USP6NL: variants seen among roughly 807,000 people sequenced by gnomAD.
USP6NL encodes the protein USP6 N-terminal-like protein.
A neutral mutation model predicts 61.9 loss-of-function variants in USP6NL; 26 were observed. The observed-to-expected ratio is 0.42, with a 90% CI of 0.31 to 0.58. The LOEUF (loss-of-function observed/expected upper bound fraction) is 0.58, where lower values mean the gene tolerates loss of function less well. Among genes scored for constraint, USP6NL ranks in the 20% least tolerant of loss-of-function variants. USP6NL has a pLI of 0.16. For synonymous variants in USP6NL, 432 were observed against 390.1 expected (o/e 1.11, Z -1.27); for missense variants, 1,114 against 1,034.3 (o/e 1.08, Z -1.06).
At chr10:11,483,962 A>G (rs561181592) in intron 13 of USP6NL, among the ~76,000 whole-genome samples, 1 of 152,322 alleles carries the variant, frequency 6.6e-6, no homozygotes, top group African/African-American at 2.4e-5. Flanking sequence ...CCTGCAGTCC[A>G]TGCTTTTCAA....
At chr10:11,593,582 G>C (rs1346812008) in intron 2 of USP6NL, among the ~76,000 whole-genome samples, 1 of 152,134 alleles carries the variant, frequency 6.6e-6, no homozygotes, top group Admixed American at 6.5e-5. Context: ...AAAATCAAAA[G>C]GCTTTTTGTG....
At chr10:11,568,676 G>A (rs1251151301) in intron 2 of USP6NL, among the ~76,000 whole-genome samples, 1 of 152,172 alleles carries the variant, frequency 6.6e-6, no homozygotes, top group African/African-American at 2.4e-5. Flanking sequence ...CTAGGGGTTG[G>A]TACAAATGTT....
intron 2 of USP6NL, among the ~76,000 whole-genome samples, chr10:11,544,107 G>A (rs1339302427): frequency 2.0e-5 from 3 of 152,148 alleles, no homozygotes; most frequent in South Asian, 2.1e-4. Context: ...CACCATGCCC[G>A]GCCCAATATT....
chr10:11,538,318 T>C (rs766488495), intron 2 of USP6NL, among the ~76,000 whole-genome samples: 3 of 152,178 alleles, frequency 2.0e-5, no homozygotes, highest in Non-Finnish European at 2.9e-5. Flanking sequence ...TGCCCATTGC[T>C]AGTAAGGCAG....
At chr10:11,506,192 G>C (rs1436904544) in intron 6 of USP6NL, among the ~76,000 whole-genome samples, 1 of 152,138 alleles carries the variant, frequency 6.6e-6, no homozygotes, top group Non-Finnish European at 1.5e-5. Flanking sequence ...GGTTAATATG[G>C]TCTGAAAGGT....
intron 2 of USP6NL, among the ~76,000 whole-genome samples, chr10:11,551,370 A>ATGAAATG (rs1836483444): frequency 6.6e-6 from 1 of 152,354 alleles, no homozygotes; most frequent in African/African-American, 2.4e-5. Flanking sequence ...CTTCATTTAT[A>ATGAAATG]TGAAATGCTA....
intron 2 of USP6NL, among the ~76,000 whole-genome samples, chr10:11,555,289 C>A (rs1450000635): frequency 6.7e-6 from 1 of 148,182 alleles, no homozygotes; most frequent in Non-Finnish European, 1.5e-5. Flanking sequence ...GTGGCAGGCA[C>A]CTGTAACCCC....
At chr10:11,488,954 G>C (rs931883571) in intron 10 of USP6NL, 148 bp downstream of exon 10, 1 of 1,036,382 alleles carries the variant, frequency 9.6e-7, no homozygotes, top group African/African-American at 1.6e-5. Context: ...AAAAATGAAA[G>C]AAGAAACTAG....
chr10:11,541,310 G>A (rs1836060493), intron 2 of USP6NL, among the ~76,000 whole-genome samples: 2 of 127,586 alleles, frequency 1.6e-5, no homozygotes, highest in African/African-American at 5.9e-5. Flanking sequence ...GATGAATTAA[G>A]TAGCAACTAA....
In USP6NL at chr10:11,499,867, C is replaced by T. The variant is rs1424531204; in HGVS notation, c.384+1234G>A. The stretch of plus-strand genomic sequence containing the variant: ...TGGTTACAGCAGCCCTAAATGAATA[C>T]AGCATGTAAATAAAGTGCTTTTTCT... On this transcript the variant is annotated intron_variant, in intron 7 of 14. Coordinates refer to ENST00000609104, the MANE Select transcript of USP6NL (RefSeq NM_014688.5). This position sits in a 1 kb window ranked among gnomAD's most constrained non-coding sequence, Gnocchi z 4.5. Among the ~76,000 whole-genome samples the T allele has an allele frequency of 6.6e-6, 1 of 152,224 alleles. No homozygotes were observed. Among genetic ancestry groups the T allele is most frequent in the Non-Finnish European group, 1.5e-5 (1 of 68,024 alleles).
rs150368132 is a variant in USP6NL at position 11,573,855 on chromosome 10, G to A, written c.4+23776C>T. 4.7e-3 allele frequency: 1,813 copies of A among 389,528 alleles called. 5 individuals are homozygous for A. The highest frequency in any genetic ancestry group is 6.6e-3 in the Non-Finnish European group (1,452 of 220,474). The allele number at this position is 389,528 out of a possible 1,614,324, so 24.1% of individuals were successfully genotyped here. A position where few individuals can be genotyped will look rare whatever the true frequency, so the allele number is the denominator to read the frequency against. ...TCTGAAGCAGTTAATAAGAAACAAC[G>A]AAAGGATAGGCTGTATCTTCTTGAA... On this transcript the variant is annotated intron_variant, in intron 2 of 14. Transcript: ENST00000609104.
chr10:11,555,433 A>AAAAAAAAAAAAAAAAAATATAT (rs1275798295), intron 2 of USP6NL, among the ~76,000 whole-genome samples: 1 of 49,040 alleles, frequency 2.0e-5, no homozygotes, highest in African/African-American at 9.4e-5. Flanking sequence ...AAAAAAAAAA[A>AAAAAAAAAAAAAAAAAATATAT]ATATATATAT....
chr10:11,559,665 C>G (rs1836849271), intron 2 of USP6NL, among the ~76,000 whole-genome samples: 1 of 152,158 alleles, frequency 6.6e-6, no homozygotes, highest in Non-Finnish European at 1.5e-5. Flanking sequence ...CTTAAACAAT[C>G]ACAAAGTACA....
intron 2 of USP6NL, chr10:11,563,365 G>C (rs1021503220): frequency 1.3e-5 from 2 of 151,898 alleles, no homozygotes; most frequent in African/African-American, 4.8e-5. Flanking sequence ...TTCTGATGAC[G>C]GTTACACAAA....
intron 6 of USP6NL, among the ~76,000 whole-genome samples, chr10:11,502,953 G>A (rs1036887159): frequency 6.6e-6 from 1 of 152,084 alleles, no homozygotes; most frequent in Non-Finnish European, 1.5e-5. Context: ...AACTAGACTC[G>A]CAACATTTGC....
intron 4 of USP6NL, among the ~76,000 whole-genome samples, chr10:11,519,324 T>C (rs767454602): frequency 3.3e-5 from 5 of 152,184 alleles, no homozygotes; most frequent in African/African-American, 7.2e-5. Flanking sequence ...GAGAAAACTT[T>C]ATTCAGTACA....
intron 10 of USP6NL, 110 bp downstream of exon 10, chr10:11,488,992 C>A: frequency 2.8e-6 from 4 of 1,432,130 alleles, no homozygotes; most frequent in Admixed American, 2.1e-5. Flanking sequence ...CTCAACGAGC[C>A]CTGAGACATT....
rs749911085 is a variant in USP6NL at position 11,574,421 on chromosome 10, C to T, written c.4+23210G>A. ...TGGTCTCAACATCCAGCGGCATGGA[C>T]CAGATAATTTCAAAACAAGTATAAC... On this transcript the variant is annotated intron_variant, in intron 2 of 14. Transcript: ENST00000609104. This position sits in a 1 kb window ranked among gnomAD's most constrained non-coding sequence, Gnocchi z 4.3. Among the ~76,000 whole-genome samples, 1 of 152,164 alleles carries T rather than the reference C, an allele frequency of 6.6e-6. No homozygotes were observed. Among genetic ancestry groups the T allele is most frequent in the East Asian group, 1.9e-4 (1 of 5,204 alleles).
intron 2 of USP6NL, among the ~76,000 whole-genome samples, chr10:11,549,017 T>C (rs946002043): frequency 5.3e-5 from 8 of 152,186 alleles, no homozygotes; most frequent in Non-Finnish European, 1.0e-4. Flanking sequence ...AGTTTCTAGT[T>C]ACCAGAATCT....
Sources: gnomAD v4.1 joint callset for allele counts (sites outside exome capture counted in the v4.1 genomes callset) on GRCh38, gnomAD v4.1.1 for gene constraint, Gnocchi (gnomAD v3.1) non-coding constraint, MANE v1.5 for transcripts, NCBI Gene and HGNC (gene_info 2026-07-23, HGNC 2026-07-21) for gene names.